TMOD3: variants seen among roughly 807,000 people sequenced by gnomAD.
TMOD3 encodes the protein tropomodulin 3.
Under a neutral mutation model 39.2 loss-of-function variants are expected in TMOD3, and 20 were observed. The ratio of observed to expected loss-of-function variants is 0.51; its 90% confidence interval spans 0.36 to 0.74. The LOEUF is 0.74. Among genes scored for constraint, TMOD3 ranks in the 30% least tolerant of loss-of-function variants. TMOD3 has a pLI of 0.00. For synonymous variants in TMOD3, 143 were observed against 145.8 expected (o/e 0.98, Z 0.14); for missense variants, 381 against 412.8 (o/e 0.92, Z 0.67).
chr15:51,831,473 A>G (rs959496351), intron 1 of TMOD3, among the ~76,000 whole-genome samples: 1 of 152,210 alleles, frequency 6.6e-6, no homozygotes, highest in Non-Finnish European at 1.5e-5. Flanking sequence ...GTAGAGTCCA[A>G]AGTCTGTATG....
chr15:51,838,825 G>A (rs1422026159), intron 1 of TMOD3, among the ~76,000 whole-genome samples: 1 of 152,022 alleles, frequency 6.6e-6, no homozygotes, highest in African/African-American at 2.4e-5. Flanking sequence ...TTATGGTAGT[G>A]CCTCCAGACT....
chr15:51,890,595 G>A (rs1041829933), intron 5 of TMOD3, among the ~76,000 whole-genome samples: 3 of 152,150 alleles, frequency 2.0e-5, no homozygotes, highest in African/African-American at 4.8e-5. Context: ...TAATTTGCAT[G>A]TGAGAAAGCT....
At position 51,914,658 on chromosome 15, in the gene TMOD3, C is replaced by G. The variant is rs989397053; in HGVS notation, c.*5848C>G. 6.4e-6 allele frequency: 1 copy of G among 156,378 alleles called. No homozygotes were observed. The highest frequency in any genetic ancestry group is 1.4e-5 in the Non-Finnish European group (1 of 71,414). The allele number at this position is 156,378 out of a possible 1,614,324, so 9.7% of individuals were successfully genotyped here. Reference sequence around the variant, plus strand: ...CCAGCCTGGGTGACAGAGTGAGACTCCATCTCAAAAAAATATATGTATTAA... The same window carrying G: ...CCAGCCTGGGTGACAGAGTGAGACTGCATCTCAAAAAAATATATGTATTAA... On this transcript the variant is annotated 3_prime_UTR_variant, in exon 10 of 10. Transcript: ENST00000308580.
chr15:51,849,370 A>G (rs1397223535), intron 1 of TMOD3, among the ~76,000 whole-genome samples: 1 of 152,204 alleles, frequency 6.6e-6, no homozygotes. Flanking sequence ...GTTATTTGCA[A>G]GTATGGAATT....
chr15:51,849,409 A>T (rs1176988196), intron 1 of TMOD3, among the ~76,000 whole-genome samples: 1 of 152,198 alleles, frequency 6.6e-6, no homozygotes, highest in Non-Finnish European at 1.5e-5. Context: ...TGGAGATATC[A>T]ATTTAAAAGT....
chr15:51,854,019 G>C (rs935014785), intron 1 of TMOD3, among the ~76,000 whole-genome samples: 3 of 152,166 alleles, frequency 2.0e-5, no homozygotes, highest in Non-Finnish European at 4.4e-5. Flanking sequence ...CCTAAAGTTT[G>C]TGGCCTGTTT....
intron 1 of TMOD3, among the ~76,000 whole-genome samples, chr15:51,843,186 C>T (rs772980142): frequency 1.3e-5 from 2 of 152,160 alleles, no homozygotes; most frequent in South Asian, 2.1e-4. Flanking sequence ...TTCAGCTAGT[C>T]TTTGAATTGT....
intron 5 of TMOD3, among the ~76,000 whole-genome samples, chr15:51,890,825 T>TA (rs2056589291): frequency 6.6e-6 from 1 of 152,222 alleles, no homozygotes; most frequent in Non-Finnish European, 1.5e-5. Context: ...GTAGAAATGT[T>TA]CAAACACACA....
chr15:51,877,639 C>G (rs189681618), intron 3 of TMOD3, among the ~76,000 whole-genome samples: 133 of 151,560 alleles, frequency 8.8e-4, no homozygotes, highest in Admixed American at 3.2e-3. Flanking sequence ...GAGATTGCAC[C>G]ACTGCACTCT....
At chr15:51,837,518 GTGA>G (rs945928536) in intron 1 of TMOD3, among the ~76,000 whole-genome samples, 1 of 151,402 alleles carries the variant, frequency 6.6e-6, no homozygotes, top group African/African-American at 2.4e-5. Flanking sequence ...CAATAAATAT[GTGA>G]TGATTTCAAA....
intron 9 of TMOD3, 72 bp downstream of exon 9, chr15:51,902,108 T>G: frequency 6.5e-7 from 1 of 1,546,176 alleles, no homozygotes. Flanking sequence ...TCTTTCCCTC[T>G]TAAGAATAAA....
intron 3 of TMOD3, among the ~76,000 whole-genome samples, chr15:51,875,883 G>A (rs1377185409): frequency 3.3e-5 from 5 of 152,218 alleles, no homozygotes; most frequent in South Asian, 2.1e-4. Flanking sequence ...CTCCCAAAGT[G>A]CTGGGATTAC....
At chr15:51,906,913 G>A (rs897843501) in intron 9 of TMOD3, among the ~76,000 whole-genome samples, 2 of 151,844 alleles carry the variant, frequency 1.3e-5, no homozygotes, top group African/African-American at 4.8e-5. Context: ...CCAGCTACTC[G>A]GGAGGCTGAG....
At chr15:51,873,562 C>T (rs1262090739) in intron 3 of TMOD3, among the ~76,000 whole-genome samples, 2 of 152,176 alleles carry the variant, frequency 1.3e-5, no homozygotes, top group African/African-American at 4.8e-5. Flanking sequence ...GGGTGCAGTA[C>T]CTAATGGCAA....
At position 51,862,935 on chromosome 15, in the gene TMOD3, A is replaced by G; in HGVS notation, c.51A>G (p.Glu17=). ...KDLEKYKDLD[E]DELLGNLSET... is the part of the protein sequence containing the mutation. ...TAGAAAAGTACAAAGACCTTGATGA[A>G]GATGAGCTCCTTGGGAATCTGTCAG... Residue 17 remains glutamate, a synonymous_variant, in exon 2 of 10, where the codon GAA becomes GAG. Transcript: ENST00000308580. The G allele has an allele frequency of 1.2e-6, 2 of 1,614,116 alleles. No homozygotes were observed. The highest frequency in any genetic ancestry group is 1.7e-6 in the Non-Finnish European group (2 of 1,179,954).
intron 3 of TMOD3, among the ~76,000 whole-genome samples, chr15:51,885,112 G>A (rs2141698324): frequency 6.6e-6 from 1 of 152,282 alleles, no homozygotes; most frequent in East Asian, 1.9e-4. Context: ...TGCAAGCTTA[G>A]TAACCCAAGT....
chr15:51,893,610 A>G (rs796702888), intron 5 of TMOD3, among the ~76,000 whole-genome samples: 46 of 151,982 alleles, frequency 3.0e-4, no homozygotes, highest in African/African-American at 1.1e-3. Flanking sequence ...CTAAAAATAC[A>G]AAAAATTAGC....
chr15:51,833,136 T>C (rs2056264576), intron 1 of TMOD3: 1 of 152,258 alleles, frequency 6.6e-6, no homozygotes, highest in Non-Finnish European at 1.5e-5. Context: ...TTATTTAAAT[T>C]GTAAACAATC....
chr15:51,879,385 T>C (rs1409816340), intron 3 of TMOD3, among the ~76,000 whole-genome samples: 1 of 152,072 alleles, frequency 6.6e-6, no homozygotes, highest in East Asian at 1.9e-4. Flanking sequence ...CATTGTTTAT[T>C]TTTATAGTTT....
Sources: allele counts gnomAD v4.1 joint callset (sites outside exome capture counted in the v4.1 genomes callset), GRCh38; gene constraint gnomAD v4.1.1; transcripts MANE v1.5; gene names NCBI Gene and HGNC (gene_info 2026-07-23, HGNC 2026-07-21).